The following SRGAP3 variants were observed in gnomAD, a reference collection of about 807,000 sequenced individuals.
The protein encoded by SRGAP3 is SLIT-ROBO Rho GTPase activating protein 3.
SRGAP3 carries 39 observed loss-of-function variants against 121.1 expected under a neutral mutation model. That is an observed-to-expected ratio of 0.32 (90% CI 0.25 to 0.42). The LOEUF (loss-of-function observed/expected upper bound fraction) is 0.42. Among genes scored for constraint, SRGAP3 ranks in the 10% least tolerant of loss-of-function variants. SRGAP3 has a pLI of 1.00. For synonymous variants in SRGAP3, 601 were observed against 570.0 expected (o/e 1.05, Z -0.77); for missense variants, 1,213 against 1,470.6 (o/e 0.82, Z 2.86).
chr3:9,292,802 C>G (rs949810213), intron 3 of SRGAP3: 1 of 152,120 alleles, frequency 6.6e-6, no homozygotes, highest in Non-Finnish European at 1.5e-5. Flanking sequence ...CCCCTTCCTT[C>G]TCCCCCCATT....
intron 1 of SRGAP3, among the ~76,000 whole-genome samples, chr3:9,236,563 A>G (rs1953415419): frequency 6.6e-6 from 1 of 151,980 alleles, no homozygotes; most frequent in Admixed American, 6.6e-5. Context: ...CTGGTTGTTT[A>G]AAAGTGTGTG....
intron 19 of SRGAP3, chr3:8,994,036 A>G: frequency 2.3e-6 from 1 of 435,456 alleles, no homozygotes; most frequent in South Asian, 2.2e-5. Flanking sequence ...GGCACATGGC[A>G]GGATCCCCTG....
intron 1 of SRGAP3, among the ~76,000 whole-genome samples, chr3:9,185,410 A>G (rs982036759): frequency 2.0e-5 from 3 of 152,178 alleles, no homozygotes; most frequent in Non-Finnish European, 4.4e-5. Flanking sequence ...TCAGAGGAAG[A>G]AGGAGCCATC....
Position 9,265,294 on chromosome 3 carries a change from T to C in SRGAP3, n.442+60716A>G, listed in dbSNP as rs141628747. ...CTCTACAAGAAAACCTAGGCAATAC[T>C]ATTCAGGACATAGGCATGGGCAAAG... is the stretch of plus-strand genomic sequence containing the variant. On this transcript the variant is annotated intron_variant and non_coding_transcript_variant, in intron 3 of 3. Transcript: ENST00000490889. Among the ~76,000 whole-genome samples, 545 of 152,198 alleles carry C rather than the reference T, an allele frequency of 3.6e-3. 4 individuals carry two copies. The highest frequency in any genetic ancestry group is 0.012 in the African/African-American group (513 of 41,536).
intron 3 of SRGAP3, among the ~76,000 whole-genome samples, chr3:9,294,550 C>CAA (rs61403993): frequency 2.6e-4 from 33 of 125,356 alleles, no homozygotes; most frequent in Middle Eastern, 4.1e-3. Context: ...AACAAACAAA[C>CAA]AAAAAAAAAC....
Position 8,981,915 on chromosome 3 carries a change from A to G in SRGAP3, c.*3604T>C. Reference sequence around the variant, plus strand: ...AGCTCGCAATTCCCTCCGATTGTGCACTCTGTCCGGGGTTCAAAAGGCGCT... The same window carrying G: ...AGCTCGCAATTCCCTCCGATTGTGCGCTCTGTCCGGGGTTCAAAAGGCGCT... On this transcript the variant is annotated 3_prime_UTR_variant, in exon 22 of 22. Transcript: ENST00000383836. 4.4e-6 allele frequency: 1 copy of G among 227,400 alleles called. No individual in the cohort carries two copies. The highest frequency in any genetic ancestry group is 8.7e-6 in the Non-Finnish European group (1 of 114,416). 14.1% of individuals were successfully genotyped at this position (227,400 alleles called of 1,614,324 possible). A position where few individuals can be genotyped will look rare whatever the true frequency, so the allele number is the denominator to read the frequency against.
chr3:9,072,613 C>T (rs1380533788), intron 4 of SRGAP3, among the ~76,000 whole-genome samples: 1 of 152,230 alleles, frequency 6.6e-6, no homozygotes, highest in Non-Finnish European at 1.5e-5. Context: ...GGTCTCCCTT[C>T]CAGGGCACAG....
intron 3 of SRGAP3, among the ~76,000 whole-genome samples, chr3:9,313,166 A>G (rs910299382): frequency 6.6e-6 from 1 of 152,036 alleles, no homozygotes; most frequent in Admixed American, 6.6e-5. Flanking sequence ...TTGCTCAAAC[A>G]CTAAGCCCCC....
chr3:9,322,442 A>G (rs1217385219), intron 3 of SRGAP3, among the ~76,000 whole-genome samples: 2 of 151,714 alleles, frequency 1.3e-5, no homozygotes, highest in Admixed American at 1.3e-4. Flanking sequence ...GGGGTCCCCA[A>G]CCCCTGGGCC....
intron 1 of SRGAP3, among the ~76,000 whole-genome samples, chr3:9,227,936 G>A (rs1019664108): frequency 6.6e-6 from 1 of 152,178 alleles, no homozygotes; most frequent in Non-Finnish European, 1.5e-5. Context: ...AGTCTCCATG[G>A]TGAAGTTTGA....
At chr3:9,299,373 A>G (rs1053814402) in intron 3 of SRGAP3, among the ~76,000 whole-genome samples, 30 of 151,116 alleles carry the variant, frequency 2.0e-4, no homozygotes, top group African/African-American at 7.3e-4. Flanking sequence ...AAAAAAAAAA[A>G]AAAGAAAAGA....
Position 9,122,708 on chromosome 3 carries a change from CAA to C in SRGAP3, c.260+2015_260+2016del, listed in dbSNP as rs1243147025. On this transcript the variant is annotated intron_variant, in intron 2 of 21. Coordinates refer to ENST00000383836, the MANE Select transcript of SRGAP3 (RefSeq NM_014850.4). The stretch of plus-strand genomic sequence containing the variant: ...TGGGTGGCAGAGCAAGACTCCGTCT[CAA>C]AAAAAAAAAAAAAAAAGGGAGAAGA... Among the ~76,000 whole-genome samples, 105 of 66,174 alleles carry C rather than the reference CAA, an allele frequency of 1.6e-3. 1 individual carries two copies. The highest frequency in any genetic ancestry group is 4.4e-3 in the African/African-American group (83 of 18,846). The allele number at this position is 66,174 out of a possible 152,430, so 43.4% of individuals were successfully genotyped here. A position where few individuals can be genotyped will look rare whatever the true frequency, so the allele number is the denominator to read the frequency against.
intron 3 of SRGAP3, among the ~76,000 whole-genome samples, chr3:9,262,552 A>AAAAAAAAAAAAAAAAAAAAC (rs1954276247): frequency 6.7e-6 from 1 of 149,224 alleles, no homozygotes; most frequent in Non-Finnish European, 1.5e-5. Flanking sequence ...AAAAAAAAAA[A>AAAAAAAAAAAAAAAAAAAAC]AAAAGCAGTG....
At chr3:9,091,109 C>T (rs776914337) in intron 3 of SRGAP3, among the ~76,000 whole-genome samples, 1 of 152,086 alleles carries the variant, frequency 6.6e-6, no homozygotes, top group African/African-American at 2.4e-5. Flanking sequence ...CACACATACG[C>T]CCTTTCATTT....
Position 9,204,545 on chromosome 3 carries a change from G to A in SRGAP3, c.67+44340C>T, listed in dbSNP as rs548986714. Among the ~76,000 whole-genome samples, 9 of 152,342 alleles carry A rather than the reference G, an allele frequency of 5.9e-5. No individual in the cohort carries two copies. In the South Asian group the frequency reaches 8.3e-4, roughly 14 times the overall value. On this transcript the variant is annotated intron_variant, in intron 1 of 21. Transcript: ENST00000383836. ...AGATAAAATGGAGGAGGGAGGGTGT[G>A]TACACAACAGCTTTCTCCTAGCTGC...
At chr3:9,339,373 T>TA (rs927452257) in intron 1 of SRGAP3, among the ~76,000 whole-genome samples, 79 of 152,304 alleles carry the variant, frequency 5.2e-4, no homozygotes, top group African/African-American at 1.8e-3. Context: ...ACTGGGTTTT[T>TA]AAAAAAATCA....
chr3:9,049,279 C>G (rs375820537), intron 9 of SRGAP3: 1 of 401,532 alleles, frequency 2.5e-6, no homozygotes, highest in South Asian at 1.8e-5. Flanking sequence ...GTTTCTGGAA[C>G]GACTGGGCTG....
intron 3 of SRGAP3, among the ~76,000 whole-genome samples, chr3:9,261,794 G>C (rs1288222994): frequency 6.8e-6 from 1 of 147,000 alleles, no homozygotes; most frequent in Non-Finnish European, 1.5e-5. Flanking sequence ...TTATCCAGGA[G>C]AACTTCCCCA....
chr3:9,212,427 G>C (rs1952477214), intron 1 of SRGAP3, among the ~76,000 whole-genome samples: 1 of 152,176 alleles, frequency 6.6e-6, no homozygotes, highest in South Asian at 2.1e-4. Context: ...TTGCCATGAA[G>C]AAAGCAAGCT....
Sources: allele counts gnomAD v4.1 joint callset (sites outside exome capture counted in the v4.1 genomes callset), GRCh38; gene constraint gnomAD v4.1.1; transcripts MANE v1.5; gene names NCBI Gene and HGNC (gene_info 2026-07-23, HGNC 2026-07-21).